Variants in PRDM11 observed in about 807,000 individuals in gnomAD.
PRDM11 encodes PR domain-containing protein 11.
In PRDM11, 20 loss-of-function variants were observed where a neutral mutation model predicts 97.8. The observed-to-expected ratio is 0.20, with a 90% CI of 0.14 to 0.30. PRDM11 has a LOEUF of 0.30. Ranked by LOEUF, PRDM11 falls within the 10% of genes least tolerant of loss-of-function variation. The pLI is 1.00. For missense variants in PRDM11, 1,139 were observed against 1,555.2 expected (o/e 0.73, Z 4.50); for synonymous variants, 599 against 637.7 (o/e 0.94, Z 0.91).
At chr11:45,129,354 A>C (rs981985777) in intron 1 of PRDM11, among the ~76,000 whole-genome samples, 1 of 152,196 alleles carries the variant, frequency 6.6e-6, no homozygotes, top group African/African-American at 2.4e-5. Flanking sequence ...AAAGAATAAA[A>C]CTATTATTTG....
intron 1 of PRDM11, among the ~76,000 whole-genome samples, chr11:45,139,382 C>T (rs541572347): frequency 1.3e-5 from 2 of 152,216 alleles, no homozygotes; most frequent in South Asian, 4.1e-4. Context: ...GCCTGGCCAA[C>T]ATGGTGAAAC....
At chr11:45,221,486 A>AT (rs1266394570) in intron 6 of PRDM11, among the ~76,000 whole-genome samples, 1 of 152,216 alleles carries the variant, frequency 6.6e-6, no homozygotes, top group Non-Finnish European at 1.5e-5. Flanking sequence ...GAGAACACAG[A>AT]TTTCATCCCT....
intron 1 of PRDM11, among the ~76,000 whole-genome samples, chr11:45,101,568 AAGAAGAAG>A (rs1181468773): frequency 4.7e-5 from 3 of 63,698 alleles, no homozygotes; most frequent in Admixed American, 1.6e-4. Flanking sequence ...AAAAAAAAAA[AAGAAGAAG>A]AAGAAGAAGA....
chr11:45,145,377 A>G (rs1386889058), upstream of PRDM11, among the ~76,000 whole-genome samples: 3 of 152,190 alleles, frequency 2.0e-5, no homozygotes, highest in Non-Finnish European at 2.9e-5. Context: ...CTCCACATCC[A>G]GATTCCAAAA....
At chr11:45,205,925 A>C (rs1486211164) in intron 5 of PRDM11, among the ~76,000 whole-genome samples, 1 of 152,104 alleles carries the variant, frequency 6.6e-6, no homozygotes, top group Non-Finnish European at 1.5e-5. Flanking sequence ...TGATGGGTGC[A>C]GAACAGAGGC....
At chr11:45,134,353 T>C (rs1852784427) in intron 1 of PRDM11, among the ~76,000 whole-genome samples, 1 of 152,128 alleles carries the variant, frequency 6.6e-6, no homozygotes, top group Admixed American at 6.6e-5. Flanking sequence ...AAAAAAGTTA[T>C]AGAGACTAGT....
chr11:45,186,213 G>A (rs1852699685), intron 4 of PRDM11, among the ~76,000 whole-genome samples: 1 of 152,162 alleles, frequency 6.6e-6, no homozygotes, highest in Non-Finnish European at 1.5e-5. Flanking sequence ...AACTCATATA[G>A]GAGGCTTTTA....
At chr11:45,183,288 G>T (rs1327383586) in intron 4 of PRDM11, among the ~76,000 whole-genome samples, 165 bp downstream of exon 4, 10 of 152,190 alleles carry the variant, frequency 6.6e-5, no homozygotes, top group Non-Finnish European at 1.5e-5. Context: ...CTGAGTGGCT[G>T]CAACGCTTGG....
rs1852505971 is a variant in PRDM11 at position 45,181,676 on chromosome 11, C to G, written c.-6-85C>G. ...GGAGGGTAACCAGACTCCGCGAGAC[C>G]CCCACTTGCCCTCTCCGCCGCTCAC... On this transcript the variant is annotated intron_variant, in intron 1 of 7. Coordinates refer to ENST00000683152, the MANE Select transcript of PRDM11 (RefSeq NM_001384648.1). The G allele has an allele frequency of 2.7e-6, 3 of 1,126,540 alleles. No homozygotes were observed. The East Asian group carries it at 7.5e-5, about 28-fold the overall frequency. 69.8% of individuals were successfully genotyped at this position (1,126,540 alleles called of 1,614,324 possible).
At chr11:45,189,505 G>T (rs956453517) in intron 4 of PRDM11, among the ~76,000 whole-genome samples, 1 of 151,808 alleles carries the variant, frequency 6.6e-6, no homozygotes, top group African/African-American at 2.4e-5. Flanking sequence ...TCCTGAGGAG[G>T]TCCGCCCTTC....
intron 1 of PRDM11, among the ~76,000 whole-genome samples, chr11:45,138,011 C>T (rs1852909310): frequency 6.6e-6 from 1 of 152,160 alleles, no homozygotes; most frequent in Non-Finnish European, 1.5e-5. Context: ...GGAAGACCTA[C>T]ACCACACGGG....
At chr11:45,119,879 G>T (rs753055634) in intron 1 of PRDM11, among the ~76,000 whole-genome samples, 3 of 152,124 alleles carry the variant, frequency 2.0e-5, no homozygotes, top group African/African-American at 4.8e-5. Flanking sequence ...GAGCAAGGAA[G>T]GGGGAAAATG....
At chr11:45,112,681 G>A (rs942193408) in intron 1 of PRDM11, among the ~76,000 whole-genome samples, 3 of 152,102 alleles carry the variant, frequency 2.0e-5, no homozygotes, top group Non-Finnish European at 2.9e-5. Context: ...GCATTTCCCC[G>A]ATGATTAGTG....
intron 1 of PRDM11, among the ~76,000 whole-genome samples, chr11:45,167,570 C>T (rs1185930773): frequency 6.6e-6 from 1 of 152,136 alleles, no homozygotes; most frequent in Non-Finnish European, 1.5e-5. Context: ...ACTAAGTTTC[C>T]CTTCTCCAGG....
In PRDM11 at chr11:45,225,988, T is replaced by G. The variant is rs1854264774; in HGVS notation, c.1370-7T>G. The G allele has an allele frequency of 6.8e-7, 1 of 1,476,042 alleles. No homozygotes were observed. The highest frequency in any genetic ancestry group is 2.5e-5 in the East Asian group (1 of 40,042). 91.4% of individuals were successfully genotyped at this position (1,476,042 alleles called of 1,614,324 possible). A position where few individuals can be genotyped will look rare whatever the true frequency, so the allele number is the denominator to read the frequency against. On this transcript the variant is annotated splice_region_variant and splice_polypyrimidine_tract_variant and intron_variant, in intron 7 of 7. Transcript: ENST00000683152. ...GTATAAATGTTTCTTTCCCATTTGT[T>G]TTTCAGCCTCAGAAAGCATGGTCTC...
chr11:45,151,922 CAAT>C (rs1285810049), intron 1 of PRDM11, among the ~76,000 whole-genome samples: 1 of 152,020 alleles, frequency 6.6e-6, no homozygotes, highest in Non-Finnish European at 1.5e-5. Flanking sequence ...AAGAAAATAA[CAAT>C]AATAGTATGA....
intron 1 of PRDM11, among the ~76,000 whole-genome samples, chr11:45,153,550 G>A (rs1851713858): frequency 2.6e-5 from 4 of 152,240 alleles, no homozygotes; most frequent in African/African-American, 7.2e-5. Flanking sequence ...AGGCATGGGG[G>A]TCCTCTCATG....
At chr11:45,105,707 A>T (rs185894582) in intron 1 of PRDM11, among the ~76,000 whole-genome samples, 1 of 152,134 alleles carries the variant, frequency 6.6e-6, no homozygotes, top group East Asian at 1.9e-4. Context: ...CACAACAACA[A>T]TTGCCAGGAC....
At chr11:45,181,991 C>T (rs1221471045) in intron 2 of PRDM11, 106 bp downstream of exon 2, 2 of 1,053,446 alleles carry the variant, frequency 1.9e-6, no homozygotes, top group Non-Finnish European at 2.7e-6. Flanking sequence ...TGCCCACCTT[C>T]CCTAACCCTG....
Sources: allele counts gnomAD v4.1 joint callset (sites outside exome capture counted in the v4.1 genomes callset), GRCh38; gene constraint gnomAD v4.1.1; transcripts MANE v1.5; gene names NCBI Gene and HGNC (gene_info 2026-07-23, HGNC 2026-07-21).